The following MYO5C variants were observed in gnomAD, a reference collection of about 807,000 sequenced individuals.
MYO5C encodes the protein myosin VC.
In MYO5C, 194 loss-of-function variants were observed where a neutral mutation model predicts 235.7. That is an observed-to-expected ratio of 0.82 (90% CI 0.73 to 0.93). The LOEUF is 0.93. Among genes scored for constraint, MYO5C ranks in the 40% least tolerant of loss-of-function variants. MYO5C has a pLI of 0.00. For synonymous variants in MYO5C, 707 were observed against 754.8 expected (o/e 0.94, Z 1.04); for missense variants, 2,038 against 2,127.2 (o/e 0.96, Z 0.82).
chr15:52,235,424 G>A (rs1180355198), intron 23 of MYO5C, among the ~76,000 whole-genome samples: 1 of 152,130 alleles, frequency 6.6e-6, no homozygotes, highest in Non-Finnish European at 1.5e-5. Flanking sequence ...CTTTGCAAAG[G>A]GCCCAGGAGG....
chr15:52,257,467 G>C (rs940066472), intron 10 of MYO5C, among the ~76,000 whole-genome samples: 2 of 152,248 alleles, frequency 1.3e-5, no homozygotes, highest in South Asian at 4.2e-4. Flanking sequence ...TAGATTAATT[G>C]ATTCTTAAGA....
intron 10 of MYO5C, 62 bp from the exon 11 acceptor site, chr15:52,256,782 A>C: frequency 1.5e-6 from 2 of 1,334,220 alleles, no homozygotes; most frequent in East Asian, 4.6e-5. Flanking sequence ...ATTTGTTTAT[A>C]GATATTTTTT....
rs562451045 is a variant in MYO5C, at chr15:52,239,902, A to T, written c.2557-23T>A. 2.7e-5 allele frequency: 43 copies of T among 1,591,234 alleles called. No homozygotes were observed. In the South Asian group the frequency reaches 4.7e-4, roughly 18 times the overall value. On this transcript the variant is annotated intron_variant, in intron 20 of 40. Transcript: ENST00000261839. ...CATCTTTAAAACAAGATTTTGTGAA[A>T]CATAAACTGGATCCCAAGTGCTTCT... is the stretch of plus-strand genomic sequence containing the variant.
At chr15:52,286,749 C>T (rs551839329) in intron 1 of MYO5C, among the ~76,000 whole-genome samples, 266 of 151,938 alleles carry the variant, frequency 1.8e-3, no homozygotes, top group Non-Finnish European at 2.9e-3. Context: ...GCAGCATGCT[C>T]GTTGAGAGTC....
chr15:52,242,500 C>G (rs1301624912), intron 19 of MYO5C: 1 of 334,272 alleles, frequency 3.0e-6, no homozygotes, highest in African/African-American at 2.1e-5. Flanking sequence ...ACTGGTGCTG[C>G]ACTTGCTCAA....
intron 8 of MYO5C, among the ~76,000 whole-genome samples, chr15:52,267,347 C>T (rs1053719763): frequency 1.3e-5 from 2 of 152,152 alleles, no homozygotes; most frequent in African/African-American, 4.8e-5. Context: ...TGCTTCCTCA[C>T]GAGTTGTCAT....
chr15:52,250,669 G>A (rs187186207), intron 13 of MYO5C, among the ~76,000 whole-genome samples: 27 of 152,242 alleles, frequency 1.8e-4, no homozygotes, highest in Non-Finnish European at 3.2e-4. Flanking sequence ...TCACAGCACC[G>A]GCCTCTGCGA....
chr15:52,218,611 C>A lies in MYO5C; in HGVS notation c.3862G>T (p.Ala1288Ser). 6.2e-7 allele frequency: 1 copy of A among 1,614,184 alleles called. No individual in the cohort carries two copies. Among genetic ancestry groups the A allele is most frequent in the East Asian group, 2.2e-5 (1 of 44,886 alleles). The change falls in exon 32 of 41, where the codon GCC (alanine) becomes TCC (serine). Residue 1288 changes from alanine (A) to serine (S), a missense_variant. Physicochemically the swap from Ala to Ser is moderately conservative, Grantham distance 99. Coordinates refer to ENST00000261839, the MANE Select transcript of MYO5C (RefSeq NM_018728.4). ...LIDKIQEMQE[A>S]SDHLKKQFET... ...AATTGTTTCTTCAAGTGGTCACTGGCCTCCTGCATTTCTTGAATCTTATCA... is the reference window on the plus strand; with the variant it reads ...AATTGTTTCTTCAAGTGGTCACTGGACTCCTGCATTTCTTGAATCTTATCA...
At chr15:52,230,383 A>C (rs2035920074) in intron 24 of MYO5C, among the ~76,000 whole-genome samples, 1 of 152,008 alleles carries the variant, frequency 6.6e-6, no homozygotes, top group Admixed American at 6.5e-5. Context: ...ATTCCTAATA[A>C]ATTTGTTTGA....
chr15:52,241,440 T>G (rs1390787526), intron 20 of MYO5C, among the ~76,000 whole-genome samples: 3 of 151,972 alleles, frequency 2.0e-5, no homozygotes, highest in African/African-American at 7.3e-5. Context: ...TTTGTATTTT[T>G]AGTAGAGACA....
chr15:52,242,154 T>C lies in MYO5C; in HGVS notation c.2450A>G (p.His817Arg). The stretch of plus-strand genomic sequence containing the variant: ...GCTGCGAACAAGATACCCGCGGCAG[T>C]GCTTCTGAATGATTATGGCTGCCCA... ...EAWAAIIIQK[H>R]CRGYLVRSLY... The change falls in exon 20 of 41, where the codon CAC becomes CGC. Residue 817 changes from histidine to arginine, a missense_variant. By Grantham distance (29) the His-to-Arg change is conservative. Coordinates refer to ENST00000261839, the MANE Select transcript of MYO5C (RefSeq NM_018728.4). 1 of 1,614,096 alleles carries C rather than the reference T, an allele frequency of 6.2e-7. No individual in the cohort carries two copies.
chr15:52,237,327 C>T (rs917588667), intron 22 of MYO5C, 155 bp downstream of exon 22: 1 of 845,350 alleles, frequency 1.2e-6, no homozygotes, highest in Non-Finnish European at 1.8e-6. Context: ...CTGATCTCGC[C>T]TTTCCTAAAA....
intron 1 of MYO5C, among the ~76,000 whole-genome samples, chr15:52,288,971 G>A (rs1226111198): frequency 6.6e-6 from 1 of 152,184 alleles, no homozygotes; most frequent in Admixed American, 6.5e-5. Flanking sequence ...GCTTTTCTGA[G>A]GGATCTTCTG....
chr15:52,247,446 C>G lies in MYO5C; in HGVS notation c.1881+12G>C, dbSNP rs747554578. On this transcript the variant is annotated intron_variant, in intron 15 of 40. Coordinates refer to ENST00000261839, the MANE Select transcript of MYO5C (RefSeq NM_018728.4). ...CCTTTAGACCCCTCACTCTCAAACA[C>G]CTTCTCAGTACCTTGCTCCCAACTG... The G allele has an allele frequency of 3.0e-5, 48 of 1,613,660 alleles. 1 individual carries two copies. In the South Asian group the frequency reaches 5.3e-4, roughly 18 times the overall value.
At chr15:52,233,546 G>T (rs373214473) in intron 23 of MYO5C, among the ~76,000 whole-genome samples, 2 of 152,308 alleles carry the variant, frequency 1.3e-5, no homozygotes. Flanking sequence ...GCAAATGTCT[G>T]GGGGGTGAGG....
At chr15:52,229,394 G>A (rs1317353235) in intron 24 of MYO5C, 81 bp from the exon 25 acceptor site, 4 of 1,350,884 alleles carry the variant, frequency 3.0e-6, no homozygotes, top group Non-Finnish European at 4.1e-6. Flanking sequence ...GGAGGCCAAG[G>A]CAGGCGGATC....
intron 39 of MYO5C, among the ~76,000 whole-genome samples, chr15:52,196,027 T>C (rs1340812838): frequency 1.4e-5 from 2 of 138,848 alleles, no homozygotes; most frequent in Non-Finnish European, 3.0e-5. Context: ...CCCAGACTAG[T>C]CTCAAACTCC....
chr15:52,217,570 C>G lies in MYO5C; in HGVS notation c.3954+949G>C, dbSNP rs116082880. Among the ~76,000 whole-genome samples, 1,126 of 152,288 alleles carry G rather than the reference C, an allele frequency of 7.4e-3. 17 individuals carry two copies. The highest frequency in any genetic ancestry group is 0.026 in the African/African-American group (1,067 of 41,556). ...GCTTCTCTGTTGTAACACGAGGATT[C>G]CAGTCTCTGAGAAAGTTGTATCCAC... On this transcript the variant is annotated intron_variant, in intron 32 of 40. Transcript: ENST00000261839.
At position 52,231,814 on chromosome 15, in the gene MYO5C, TAAGAG is replaced by T. The variant is rs143719080; in HGVS notation, c.3026+803_3026+807del. ...TGAGATCTAAAAACCTTTGACTCCT[TAAGAG>T]AAGGGAAGCCCAGATTGGAGTCCTT... On this transcript the variant is annotated intron_variant, in intron 24 of 40. Coordinates refer to ENST00000261839, the MANE Select transcript of MYO5C (RefSeq NM_018728.4). 6.1e-3 allele frequency among the ~76,000 whole-genome samples: 928 copies of T among 152,268 alleles called. 13 individuals carry two copies. The highest frequency in any genetic ancestry group is 0.022 in the African/African-American group (894 of 41,534).
Sources: allele counts gnomAD v4.1 joint callset (sites outside exome capture counted in the v4.1 genomes callset), GRCh38; gene constraint gnomAD v4.1.1; transcripts MANE v1.5; gene names NCBI Gene and HGNC (gene_info 2026-07-23, HGNC 2026-07-21).